NPAT: variants seen among roughly 807,000 people sequenced by gnomAD.
The protein encoded by NPAT is protein NPAT.
NPAT carries 52 observed loss-of-function variants against 130.7 expected under a neutral mutation model. The observed-to-expected ratio is 0.40, with a 90% CI of 0.32 to 0.50. The LOEUF is 0.50. NPAT is among the 20% of genes least tolerant of loss of function. NPAT has a pLI of 0.68. For synonymous variants in NPAT, 580 were observed against 584.8 expected, an observed-to-expected ratio of 0.99 and a Z score of 0.12; for missense variants, 1,687 against 1,662.6, an observed-to-expected ratio of 1.01 and a Z score of -0.26.
intron 1 of NPAT, among the ~76,000 whole-genome samples, chr11:108,203,301 C>A (rs1032918977): frequency 2.0e-5 from 3 of 152,126 alleles, no homozygotes; most frequent in African/African-American, 7.2e-5. Flanking sequence ...GTCAGAGGCC[C>A]AATTCTGTGA....
chr11:108,178,770 A>G (rs151293251), intron 10 of NPAT, among the ~76,000 whole-genome samples: 1,749 of 152,302 alleles, frequency 0.011, 38 homozygotes, highest in African/African-American at 0.04. Context: ...AGGCAGGGGA[A>G]TCACTTAAAC....
chr11:108,165,923 ACG>A (rs1409420214), intron 15 of NPAT, among the ~76,000 whole-genome samples: 2 of 122,684 alleles, frequency 1.6e-5, no homozygotes, highest in African/African-American at 6.3e-5. Context: ...GTGAGCCACC[ACG>A]CCCAGCCCAT....
Position 108,172,992 on chromosome 11 carries a change from A to T in NPAT, c.1992T>A (p.Ser664=). ...SKSENSQEPS[S]SVKEENTIFL... ...AAATAGTATTCTCTTCTTTTACAGAAGATGAAGGCTCCTGTGAATTCTCAG... is the reference window on the plus strand; with the variant it reads ...AAATAGTATTCTCTTCTTTTACAGATGATGAAGGCTCCTGTGAATTCTCAG... The change falls in exon 13 of 18, where the codon TCT becomes TCA. Residue 664 remains serine, a synonymous_variant. Coordinates refer to ENST00000278612, the MANE Select transcript of NPAT (RefSeq NM_002519.3). 1.2e-6 allele frequency: 2 copies of T among 1,614,130 alleles called. No homozygotes were observed. The highest frequency in any genetic ancestry group is 1.7e-6 in the Non-Finnish European group (2 of 1,180,036).
chr11:108,187,913 A>G (rs777919949), intron 7 of NPAT, among the ~76,000 whole-genome samples, 185 bp downstream of exon 7: 1 of 152,234 alleles, frequency 6.6e-6, no homozygotes, highest in Non-Finnish European at 1.5e-5. Context: ...ATTAATTGAG[A>G]GATGCAACCC....
rs761681319 is a variant in NPAT, at chr11:108,162,161, C to T, written c.3030G>A (p.Leu1010=). 1.2e-6 allele frequency: 2 copies of T among 1,613,650 alleles called. No homozygotes were observed. Among genetic ancestry groups the T allele is most frequent in the Admixed American group, 3.3e-5 (2 of 59,992 alleles). ...CAACTGAATGACCTGACGAATCCAC[C>T]AAATTATTTACTTGTTTTCCTGAAA... ...KPCIGKQVNN[L]VDSSGHSVGC... The change falls in exon 16 of 18, where the codon TTG becomes TTA. Residue 1010 remains leucine, a synonymous_variant. Transcript: ENST00000278612.
chr11:108,217,866 G>A (rs1174991388), intron 1 of NPAT, among the ~76,000 whole-genome samples: 2 of 152,068 alleles, frequency 1.3e-5, no homozygotes, highest in East Asian at 1.9e-4. Flanking sequence ...GGTGGTGAGC[G>A]CCTGTAATCC....
chr11:108,215,491 A>G (rs1286584133), intron 1 of NPAT, among the ~76,000 whole-genome samples: 2 of 152,188 alleles, frequency 1.3e-5, no homozygotes, highest in Non-Finnish European at 2.9e-5. Flanking sequence ...GTTTACCTAT[A>G]TAACAAACCT....
At chr11:108,200,963 T>C (rs2078270761) in intron 1 of NPAT, among the ~76,000 whole-genome samples, 1 of 152,220 alleles carries the variant, frequency 6.6e-6, no homozygotes, top group Admixed American at 6.5e-5. Flanking sequence ...AAAGCTAACC[T>C]GGATGGTGTT....
At chr11:108,185,747 T>C (rs375411448) in intron 8 of NPAT, among the ~76,000 whole-genome samples, 1 of 152,208 alleles carries the variant, frequency 6.6e-6, no homozygotes, top group East Asian at 1.9e-4. Flanking sequence ...GTAAATGCCC[T>C]ATTTTTACAG....
intron 1 of NPAT, among the ~76,000 whole-genome samples, chr11:108,198,728 C>T (rs2078247327): frequency 6.6e-6 from 1 of 152,196 alleles, no homozygotes; most frequent in African/African-American, 2.4e-5. Context: ...CCATGAAAAC[C>T]TCAGACTCAA....
rs369645824 is a variant in NPAT, at chr11:108,173,208, T to C, written c.1776A>G (p.Leu592=). ...GACAAGAATTATCTTGGCAATTTGA[T>C]AGCTGTGACATAACTGGTTCTAACA... is the stretch of plus-strand genomic sequence containing the variant. ...INVLEPVMSQ[L]SNCQDNSCLQ... The change falls in exon 13 of 18, where the codon CTA becomes CTG. Residue 592 remains leucine (L), a synonymous_variant. Transcript: ENST00000278612. 1.2e-6 allele frequency: 2 copies of C among 1,613,736 alleles called. No homozygotes were observed. Among genetic ancestry groups the C allele is most frequent in the East Asian group, 2.2e-5 (1 of 44,868 alleles).
chr11:108,200,497 A>G (rs1407255952), intron 1 of NPAT, among the ~76,000 whole-genome samples: 1 of 152,166 alleles, frequency 6.6e-6, no homozygotes, highest in South Asian at 2.1e-4. Flanking sequence ...AGTGCAGACC[A>G]ATATTAATTA....
chr11:108,220,721 G>A (rs1354429824), intron 1 of NPAT, among the ~76,000 whole-genome samples: 1 of 152,160 alleles, frequency 6.6e-6, no homozygotes, highest in Non-Finnish European at 1.5e-5. Flanking sequence ...TTAGGCATGG[G>A]GAGGCTTTTT....
chr11:108,189,640 G>A (rs1235873212), intron 5 of NPAT, among the ~76,000 whole-genome samples: 3 of 151,990 alleles, frequency 2.0e-5, no homozygotes, highest in Non-Finnish European at 2.9e-5. Flanking sequence ...GGAGGCCGAG[G>A]CGGGCGGATC....
chr11:108,201,720 A>G (rs1451714633), intron 1 of NPAT, among the ~76,000 whole-genome samples: 1 of 152,228 alleles, frequency 6.6e-6, no homozygotes, highest in Non-Finnish European at 1.5e-5. Flanking sequence ...GCTGTTCTCT[A>G]AGGGGAGGCT....
Position 108,158,961 on chromosome 11 carries a change from G to T in NPAT, c.4265C>A (p.Ser1422Ter). 1 of 1,604,210 alleles carries T rather than the reference G, an allele frequency of 6.2e-7. No homozygotes were observed. Among genetic ancestry groups the T allele is most frequent in the South Asian group, 1.1e-5 (1 of 90,882 alleles). ...AGMDVDKFLL[S>*]LHYDE The stretch of plus-strand genomic sequence containing the variant: ...GAATGTTTACTCATCATAATGCAAT[G>T]ATAACAAAAATTTGTCTACATCCAT... Residue 1422 changes from serine (S) to a stop codon, truncating the protein, a stop_gained, in exon 18 of 18, where the codon TCA becomes TAA. Transcript: ENST00000278612. LOFTEE classifies it high-confidence loss of function.
At chr11:108,207,984 A>G (rs1481398176) in intron 1 of NPAT, among the ~76,000 whole-genome samples, 1 of 152,280 alleles carries the variant, frequency 6.6e-6, no homozygotes, top group Non-Finnish European at 1.5e-5. Flanking sequence ...TACACCATCC[A>G]GTAATCAAGT....
chr11:108,171,983 AG>A, intron 13 of NPAT: 1 of 561,778 alleles, frequency 1.8e-6, no homozygotes, highest in East Asian at 2.9e-5. Context: ...AAAAGAAAAA[AG>A]AAAAACCACT....
intron 10 of NPAT, among the ~76,000 whole-genome samples, chr11:108,181,344 T>C (rs538707272): frequency 8.5e-5 from 13 of 152,250 alleles, no homozygotes; most frequent in East Asian, 1.9e-4. Flanking sequence ...ACATGCCTGT[T>C]GTCCCAGCCA....
Sources: allele counts gnomAD v4.1 joint callset (sites outside exome capture counted in the v4.1 genomes callset), GRCh38; gene constraint gnomAD v4.1.1; transcripts MANE v1.5; gene names NCBI Gene and HGNC (gene_info 2026-07-23, HGNC 2026-07-21).